CCDC6: variants seen among roughly 807,000 people sequenced by gnomAD.
The protein encoded by CCDC6 is coiled-coil domain containing 6.
A neutral mutation model predicts 56.6 loss-of-function variants in CCDC6; 20 were observed. The ratio of observed to expected loss-of-function variants is 0.35; its 90% CI spans 0.25 to 0.51. CCDC6 has a LOEUF of 0.51. CCDC6 is among the 20% of genes least tolerant of loss of function. CCDC6 has a pLI of 0.95. For missense variants in CCDC6, 367 were observed against 601.1 expected (o/e 0.61, Z 4.07); for synonymous variants, 241 against 234.4 (o/e 1.03, Z -0.26).
At chr10:59,849,393 T>G (rs2071019690) in intron 2 of CCDC6, among the ~76,000 whole-genome samples, 1 of 152,230 alleles carries the variant, frequency 6.6e-6, no homozygotes, top group Non-Finnish European at 1.5e-5. Context: ...TCTCCCAAAC[T>G]GGATCTTTTA....
At chr10:59,817,739 G>A (rs186282185) in intron 3 of CCDC6, among the ~76,000 whole-genome samples, 127 of 152,206 alleles carry the variant, frequency 8.3e-4, no homozygotes, top group Non-Finnish European at 1.5e-3. Flanking sequence ...AACTAATGAG[G>A]CATGTGACTC....
intron 1 of CCDC6, among the ~76,000 whole-genome samples, chr10:59,885,684 C>T (rs1033833538): frequency 5.9e-5 from 9 of 152,084 alleles, no homozygotes; most frequent in Admixed American, 6.5e-5. Flanking sequence ...TTTGCATAGC[C>T]TCTTCCCTGG....
intron 7 of CCDC6, among the ~76,000 whole-genome samples, chr10:59,799,464 T>G (rs10994019): frequency 0.016 from 2,500 of 152,236 alleles, 55 homozygotes; most frequent in East Asian, 0.091. Context: ...TACCAAGACT[T>G]CTGCATTTGG....
At chr10:59,874,012 G>A (rs1372017986) in intron 1 of CCDC6, among the ~76,000 whole-genome samples, 1 of 151,936 alleles carries the variant, frequency 6.6e-6, no homozygotes, top group Non-Finnish European at 1.5e-5. Flanking sequence ...AATCAACCAT[G>A]GTCAGTGAAG....
At chr10:59,855,050 A>G (rs927304298) in intron 1 of CCDC6, among the ~76,000 whole-genome samples, 1 of 152,250 alleles carries the variant, frequency 6.6e-6, no homozygotes, top group Non-Finnish European at 1.5e-5. Flanking sequence ...AAGCAGTAAA[A>G]GTGAAGTGGA....
At chr10:59,816,976 A>T (rs1254602713) in intron 3 of CCDC6, among the ~76,000 whole-genome samples, 1 of 152,174 alleles carries the variant, frequency 6.6e-6, no homozygotes, top group Non-Finnish European at 1.5e-5. Flanking sequence ...AAAAAGGAGG[A>T]GGTGCAGGGT....
chr10:59,865,214 T>C (rs1217294614), intron 1 of CCDC6, among the ~76,000 whole-genome samples: 1 of 152,212 alleles, frequency 6.6e-6, no homozygotes, highest in African/African-American at 2.4e-5. Flanking sequence ...GACCGGGATA[T>C]AACATTCCAA....
intron 2 of CCDC6, among the ~76,000 whole-genome samples, chr10:59,841,693 G>A (rs887232516): frequency 2.7e-5 from 4 of 150,534 alleles, no homozygotes; most frequent in South Asian, 2.1e-4. Context: ...TTTTTGAGAC[G>A]GAGTCACTCT....
chr10:59,905,609 C>A (rs950044097), intron 1 of CCDC6, among the ~76,000 whole-genome samples: 1 of 152,232 alleles, frequency 6.6e-6, no homozygotes, highest in African/African-American at 2.4e-5. Flanking sequence ...CCACTCTCTC[C>A]CGCCCCCTCC....
chr10:59,858,975 T>C (rs929617437), intron 1 of CCDC6, among the ~76,000 whole-genome samples: 1 of 152,186 alleles, frequency 6.6e-6, no homozygotes, highest in East Asian at 1.9e-4. Flanking sequence ...AGCAGAGTCA[T>C]AGAACCTCTT....
At chr10:59,812,442 G>A (rs966430939) in intron 5 of CCDC6, among the ~76,000 whole-genome samples, 193 bp downstream of exon 5, 1 of 146,068 alleles carries the variant, frequency 6.8e-6, no homozygotes, top group South Asian at 2.2e-4. Flanking sequence ...AAATGGTTTT[G>A]TTCTCCCCTA....
chr10:59,894,413 C>T (rs147807512), intron 1 of CCDC6, among the ~76,000 whole-genome samples: 6 of 152,146 alleles, frequency 3.9e-5, no homozygotes, highest in African/African-American at 9.7e-5. Flanking sequence ...TCCTTTAGAT[C>T]GTGACTAAGA....
chr10:59,906,040 TG>T (rs919572881), intron 1 of CCDC6, 81 bp downstream of exon 1: 45 of 1,217,728 alleles, frequency 3.7e-5, no homozygotes, highest in Non-Finnish European at 1.8e-5. Context: ...GGGGAAGACT[TG>T]GGGGGTGGCT....
chr10:59,892,592 T>C (rs2071430843), intron 1 of CCDC6, among the ~76,000 whole-genome samples: 1 of 152,220 alleles, frequency 6.6e-6, no homozygotes, highest in African/African-American at 2.4e-5. Flanking sequence ...GGACTGATTT[T>C]GAAATGTATT....
At chr10:59,815,797 A>G (rs2070706180) in intron 3 of CCDC6, among the ~76,000 whole-genome samples, 1 of 152,260 alleles carries the variant, frequency 6.6e-6, no homozygotes, top group South Asian at 2.1e-4. Context: ...TTGATTGCAC[A>G]AAGATGTTAA....
chr10:59,904,740 A>G (rs2071529922), intron 1 of CCDC6, among the ~76,000 whole-genome samples: 1 of 152,252 alleles, frequency 6.6e-6, no homozygotes, highest in African/African-American at 2.4e-5. Flanking sequence ...TTTGAGCATG[A>G]AAAGTTTCTT....
At chr10:59,822,425 C>T (rs1024437300) in intron 3 of CCDC6, among the ~76,000 whole-genome samples, 13 of 152,118 alleles carry the variant, frequency 8.5e-5, no homozygotes, top group African/African-American at 2.7e-4. Flanking sequence ...GTTCATTACT[C>T]GAGGGGATTC....
At chr10:59,849,307 G>A (rs2071018932) in intron 2 of CCDC6, among the ~76,000 whole-genome samples, 1 of 152,176 alleles carries the variant, frequency 6.6e-6, no homozygotes, top group Non-Finnish European at 1.5e-5. Context: ...AAAAGCAAGG[G>A]AGAAGAGCTG....
At chr10:59,806,487 A>T (rs1449809173) in intron 6 of CCDC6, 2 of 153,550 alleles carry the variant, frequency 1.3e-5, no homozygotes, top group African/African-American at 4.8e-5. Flanking sequence ...GATTTCAACA[A>T]CCCCCACCTG....
Sources: allele counts gnomAD v4.1 joint callset (sites outside exome capture counted in the v4.1 genomes callset), GRCh38; gene constraint gnomAD v4.1.1; transcripts MANE v1.5; gene names NCBI Gene and HGNC (gene_info 2026-07-23, HGNC 2026-07-21).